ARFGEF3: variants seen among roughly 807,000 people sequenced by gnomAD.
ARFGEF3 encodes the protein ARFGEF family member 3, also known as brefeldin A-inhibited guanine nucleotide-exchange protein 3.
In ARFGEF3, 96 loss-of-function variants were observed where a neutral mutation model predicts 221.7. That is an observed-to-expected ratio of 0.43 (90% CI 0.37 to 0.51). The LOEUF is 0.51. Among genes scored for constraint, ARFGEF3 ranks in the 20% least tolerant of loss-of-function variants. The probability of loss-of-function intolerance (pLI) is 0.00; values close to 1 mark genes in which losing one functional copy is unlikely to be tolerated. For synonymous variants in ARFGEF3, 1,145 were observed against 1,126.8 expected (o/e 1.02, Z -0.32); for missense variants, 2,410 against 2,789.9 (o/e 0.86, Z 3.07).
chr6:138,319,663 T>G, intron 27 of ARFGEF3, 40 bp from the exon 28 acceptor site: 1 of 1,494,436 alleles, frequency 6.7e-7, no homozygotes, highest in Non-Finnish European at 9.1e-7. Context: ...GAGCTTCCCT[T>G]TTATTACAGG....
intron 5 of ARFGEF3, among the ~76,000 whole-genome samples, chr6:138,236,015 C>T (rs1034855196): frequency 2.0e-5 from 3 of 152,116 alleles, no homozygotes; most frequent in Admixed American, 6.6e-5. Context: ...GGCATTAAAA[C>T]TAAAAAAAGA....
In ARFGEF3 at chr6:138,330,618, C is replaced by T. The variant is rs943006036; in HGVS notation, c.5123+2476C>T. ...CCAGGAGGCAGAGGTTGCAGTGAGC[C>T]GAGATCACGCCACTGCACTCCAGCC... On this transcript the variant is annotated intron_variant, in intron 32 of 33. Coordinates refer to ENST00000251691, the MANE Select transcript of ARFGEF3 (RefSeq NM_020340.5). 5.3e-5 allele frequency among the ~76,000 whole-genome samples: 8 copies of T among 151,996 alleles called. No homozygotes were observed. The East Asian group carries it at 5.8e-4, about 11-fold the overall frequency.
intron 14 of ARFGEF3, among the ~76,000 whole-genome samples, chr6:138,283,394 A>G (rs1340601309): frequency 1.3e-5 from 2 of 152,246 alleles, no homozygotes; most frequent in Admixed American, 1.3e-4. Context: ...CATCGCTGTT[A>G]TTAATGGAAC....
chr6:138,164,358 C>G (rs1776679599), intron 1 of ARFGEF3, among the ~76,000 whole-genome samples: 1 of 152,210 alleles, frequency 6.6e-6, no homozygotes, highest in Non-Finnish European at 1.5e-5. Flanking sequence ...CTTTGTTGAA[C>G]ATGCTGTGTG....
Position 138,343,453 on chromosome 6 carries a change from G to A in ARFGEF3, c.*6967G>A, listed in dbSNP as rs1025905819. On this transcript the variant is annotated 3_prime_UTR_variant, in exon 34 of 34. Coordinates refer to ENST00000251691, the MANE Select transcript of ARFGEF3 (RefSeq NM_020340.5). Reference sequence around the variant, plus strand: ...TTTTTGCCTCTGTGGATGGAAATAAGGGTGTTTTTTTTTGGTTTTTTTTTT... The same window carrying A: ...TTTTTGCCTCTGTGGATGGAAATAAAGGTGTTTTTTTTTGGTTTTTTTTTT... 1.3e-5 allele frequency: 2 copies of A among 151,462 alleles called. No homozygotes were observed. Among genetic ancestry groups the A allele is most frequent in the African/African-American group, 4.9e-5 (2 of 41,146 alleles). The allele number at this position is 151,462 out of a possible 1,614,324, so 9.4% of individuals were successfully genotyped here.
At chr6:138,179,804 GGTT>G (rs997975080) in intron 2 of ARFGEF3, among the ~76,000 whole-genome samples, 11 of 152,140 alleles carry the variant, frequency 7.2e-5, no homozygotes, top group African/African-American at 2.4e-4. Context: ...AAGTTTTTTT[GGTT>G]GTTTTGTTTG....
At chr6:138,311,283 T>A (rs551842123) in intron 24 of ARFGEF3, 124 bp from the exon 25 acceptor site, 16 of 629,710 alleles carry the variant, frequency 2.5e-5, no homozygotes, top group Non-Finnish European at 4.2e-5. Context: ...ATTTTTCTCC[T>A]TTTCTCCCAC....
At chr6:138,207,588 T>C (rs755930134) in intron 3 of ARFGEF3, among the ~76,000 whole-genome samples, 5 of 152,204 alleles carry the variant, frequency 3.3e-5, no homozygotes, top group Non-Finnish European at 5.9e-5. Context: ...AGAGCAAGAC[T>C]AGGAAGAAAA....
intron 29 of ARFGEF3, among the ~76,000 whole-genome samples, chr6:138,322,606 CCAATATGAT>C (rs1472735558): frequency 6.6e-6 from 1 of 151,900 alleles, no homozygotes; most frequent in Non-Finnish European, 1.5e-5. Context: ...ACTAGCCTGG[CCAATATGAT>C]GAAACCCTGT....
At chr6:138,224,803 A>G (rs1778049753) in intron 4 of ARFGEF3, among the ~76,000 whole-genome samples, 1 of 152,244 alleles carries the variant, frequency 6.6e-6, no homozygotes, top group Non-Finnish European at 1.5e-5. Flanking sequence ...ACTGTTCCAA[A>G]TAAGTGCTAT....
At chr6:138,165,632 G>A (rs1357376608) in intron 1 of ARFGEF3, among the ~76,000 whole-genome samples, 1 of 151,720 alleles carries the variant, frequency 6.6e-6, no homozygotes, top group Non-Finnish European at 1.5e-5. Context: ...GGGAGAGAGG[G>A]GTCATTTTCC....
At position 138,334,954 on chromosome 6, in the gene ARFGEF3, C is replaced by T; in HGVS notation, c.6108C>T (p.His2036=). 2 of 1,587,454 alleles carry T rather than the reference C, an allele frequency of 1.3e-6. No individual in the cohort carries two copies. Among genetic ancestry groups the T allele is most frequent in the Middle Eastern group, 3.3e-4 (2 of 6,036 alleles). The stretch of plus-strand genomic sequence containing the variant: ...AATACAAAAAGAGGAAACAGCAGCA[C>T]AACCTGTCCGCGTTCCCCAAAGAGG... ...MTEYKKRKQQ[H]NLSAFPKEVK... The change falls in exon 33 of 34, where the codon CAC becomes CAT. Residue 2036 remains histidine (H), a synonymous_variant. Transcript: ENST00000251691. This position sits in a 1 kb window ranked among gnomAD's most constrained non-coding sequence, Gnocchi z 5.1.
At chr6:138,194,325 C>T (rs1777368548) in intron 2 of ARFGEF3, among the ~76,000 whole-genome samples, 1 of 151,790 alleles carries the variant, frequency 6.6e-6, no homozygotes, top group Admixed American at 6.6e-5. Context: ...TCTCTTGTTC[C>T]ATAAAATTAA....
intron 12 of ARFGEF3, among the ~76,000 whole-genome samples, chr6:138,272,000 CTG>C (rs1168767084): frequency 6.6e-6 from 1 of 152,114 alleles, no homozygotes; most frequent in Non-Finnish European, 1.5e-5. Flanking sequence ...GGCTGAAAAA[CTG>C]TAGCCCAGCA....
chr6:138,255,437 A>G lies in ARFGEF3; in HGVS notation c.772A>G (p.Lys258Glu). The G allele has an allele frequency of 6.4e-7, 1 of 1,568,952 alleles. No homozygotes were observed. Among genetic ancestry groups the G allele is most frequent in the Non-Finnish European group, 8.7e-7 (1 of 1,149,678 alleles). The change falls in exon 10 of 34, where the codon AAA becomes GAA. Residue 258 changes from lysine (K) to glutamate (E), a missense_variant and splice_region_variant. Coordinates refer to ENST00000251691, the MANE Select transcript of ARFGEF3 (RefSeq NM_020340.5). ...ACTTTTCTCACCATCTCTTCCCAGGAAAAACCTCTGCCCTGCTCTCATCGT... is the reference window on the plus strand; with the variant it reads ...ACTTTTCTCACCATCTCTTCCCAGGGAAAACCTCTGCCCTGCTCTCATCGT... ...LHRRFTDLIW[K>E]NLCPALIVIL...
intron 12 of ARFGEF3, among the ~76,000 whole-genome samples, chr6:138,275,560 A>G (rs571211567): frequency 3.9e-5 from 6 of 152,236 alleles, no homozygotes; most frequent in South Asian, 2.1e-4. Flanking sequence ...CCTGGCCAAC[A>G]TGGTGAAACC....
At chr6:138,166,937 A>G (rs930508833) in intron 1 of ARFGEF3, among the ~76,000 whole-genome samples, 4 of 152,224 alleles carry the variant, frequency 2.6e-5, no homozygotes, top group Non-Finnish European at 4.4e-5. Context: ...TAAAAAGTGT[A>G]GAAATTGTAT....
rs1749518713 is a variant in ARFGEF3, at chr6:138,340,807, T to A, written c.*4321T>A. ...GACAACATGCTCTAAGTCCATAGAG[T>A]AAGCACTCTAGTATGAAAAAAAGTT... On this transcript the variant is annotated 3_prime_UTR_variant, in exon 34 of 34. Transcript: ENST00000251691. 1 of 151,976 alleles carries A rather than the reference T, an allele frequency of 6.6e-6. No individual in the cohort carries two copies. The highest frequency in any genetic ancestry group is 6.6e-5 in the Admixed American group (1 of 15,258). The allele number at this position is 151,976 out of a possible 1,614,324, so 9.4% of individuals were successfully genotyped here.
chr6:138,291,182 T>C lies in ARFGEF3; in HGVS notation c.3048-551T>C, dbSNP rs2114635422. On this transcript the variant is annotated intron_variant, in intron 18 of 33. Transcript: ENST00000251691. This position sits in a 1 kb window ranked among gnomAD's most constrained non-coding sequence, Gnocchi z 4.5. ...TCTGTGTCTGCCATAATTCGGTGAC[T>C]GCCCTCCCACCCGGCCGCCACCCAC... 6.6e-6 allele frequency among the ~76,000 whole-genome samples: 1 copy of C among 152,318 alleles called. No homozygotes were observed. Among genetic ancestry groups the C allele is most frequent in the Middle Eastern group, 3.4e-3 (1 of 294 alleles).
Sources: gnomAD v4.1 joint callset for allele counts (sites outside exome capture counted in the v4.1 genomes callset) on GRCh38, gnomAD v4.1.1 for gene constraint, Gnocchi (gnomAD v3.1) non-coding constraint, MANE v1.5 for transcripts, NCBI Gene and HGNC (gene_info 2026-07-23, HGNC 2026-07-21) for gene names.